Variants in EYS observed in about 807,000 individuals in gnomAD.
EYS encodes the protein EGF-like photoreceptor maintenance factor.
In EYS, 250 loss-of-function variants were observed where a neutral mutation model predicts 282.1. The ratio of observed to expected loss-of-function variants is 0.89; its 90% CI spans 0.80 to 0.98. The LOEUF is 0.98. Among genes scored for constraint, EYS ranks in the 50% least tolerant of loss-of-function variants. EYS has a pLI of 0.00. For missense variants in EYS, 4,016 were observed against 3,709.0 expected, an observed-to-expected ratio of 1.08 and a Z score of -2.15; for synonymous variants, 1,355 against 1,282.9, an observed-to-expected ratio of 1.06 and a Z score of -1.20.
At chr6:65,081,044 C>T (rs919012064) in intron 12 of EYS, among the ~76,000 whole-genome samples, 1 of 152,122 alleles carries the variant, frequency 6.6e-6, no homozygotes, top group African/African-American at 2.4e-5. Flanking sequence ...GCAGGCCTCA[C>T]AGCTGTAATC....
intron 12 of EYS, among the ~76,000 whole-genome samples, chr6:65,222,240 T>A (rs1222087831): frequency 6.6e-6 from 1 of 152,144 alleles, no homozygotes; most frequent in Non-Finnish European, 1.5e-5. Flanking sequence ...CAGACTGATA[T>A]GGTTTGGCTA....
At chr6:64,317,448 A>T (rs963933408) in intron 29 of EYS, among the ~76,000 whole-genome samples, 4 of 152,014 alleles carry the variant, frequency 2.6e-5, no homozygotes, top group Non-Finnish European at 5.9e-5. Context: ...TTCACTGGTC[A>T]TTAGAGAAAT....
intron 12 of EYS, among the ~76,000 whole-genome samples, chr6:65,242,219 C>T (rs917333427): frequency 1.3e-5 from 2 of 151,892 alleles, no homozygotes; most frequent in Non-Finnish European, 2.9e-5. Flanking sequence ...ATTTGTGCAA[C>T]CATCATCACA....
At chr6:65,314,561 GGTGTGTGTGTGTGTGTGTGT>G (rs4032795) in intron 11 of EYS, among the ~76,000 whole-genome samples, 12 of 106,338 alleles carry the variant, frequency 1.1e-4, no homozygotes, top group African/African-American at 3.1e-4. Flanking sequence ...TTCCCCTTAT[GGTGTGTGTGTGTGTGTGTGT>G]GTGTGTGTGT....
At chr6:64,848,234 C>G (rs1765775714) in intron 19 of EYS, among the ~76,000 whole-genome samples, 1 of 151,950 alleles carries the variant, frequency 6.6e-6, no homozygotes, top group African/African-American at 2.4e-5. Flanking sequence ...AACTTTTCCT[C>G]TTTCCTTCAC....
At chr6:65,057,976 C>T (rs1256932184) in intron 12 of EYS, among the ~76,000 whole-genome samples, 6 of 152,036 alleles carry the variant, frequency 3.9e-5, no homozygotes, top group Admixed American at 3.3e-4. Context: ...TGCAAAGTCT[C>T]TTTAGATGTG....
chr6:65,568,668 GCTGCTTTTGTTTCGA>G, intron 2 of EYS, among the ~76,000 whole-genome samples: 1 of 152,228 alleles, frequency 6.6e-6, no homozygotes, highest in East Asian at 1.9e-4. Flanking sequence ...TGTCCTCCAA[GCTGCTTTTGTTTCGA>G]AAGTGGCTCA....
At chr6:64,678,666 T>C (rs1247772524) in intron 22 of EYS, among the ~76,000 whole-genome samples, 2 of 152,166 alleles carry the variant, frequency 1.3e-5, no homozygotes, top group Non-Finnish European at 2.9e-5. Context: ...ATTTGTTTAG[T>C]TTGTTTCCAA....
chr6:64,199,872 G>A (rs982084090), intron 31 of EYS, among the ~76,000 whole-genome samples: 1 of 152,124 alleles, frequency 6.6e-6, no homozygotes, highest in East Asian at 1.9e-4. Flanking sequence ...ACACAAAATT[G>A]CACCTGAATG....
intron 14 of EYS, among the ~76,000 whole-genome samples, chr6:64,977,136 GC>G (rs1770497594): frequency 5.9e-5 from 9 of 151,728 alleles, no homozygotes. Flanking sequence ...CAAATGATCT[GC>G]CCACCTCAGC....
intron 22 of EYS, among the ~76,000 whole-genome samples, chr6:64,700,687 A>G (rs895808502): frequency 3.3e-4 from 50 of 152,138 alleles, no homozygotes; most frequent in African/African-American, 1.2e-3. Context: ...TATCTCTATA[A>G]GGAAAATTAC....
chr6:63,735,351 C>T (rs1346349234), intron 41 of EYS, among the ~76,000 whole-genome samples: 1 of 152,012 alleles, frequency 6.6e-6, no homozygotes, highest in Admixed American at 6.6e-5. Flanking sequence ...CAATTTTGAA[C>T]TTATAGATAA....
chr6:65,328,626 T>C (rs1188558917), intron 11 of EYS, among the ~76,000 whole-genome samples: 1 of 151,022 alleles, frequency 6.6e-6, no homozygotes, highest in Non-Finnish European at 1.5e-5. Flanking sequence ...ATTAAATATA[T>C]AAATTTTAAA....
chr6:64,916,724 CT>C (rs1420701215), intron 15 of EYS, among the ~76,000 whole-genome samples: 2 of 152,218 alleles, frequency 1.3e-5, no homozygotes, highest in African/African-American at 4.8e-5. Context: ...TACCGTGTGA[CT>C]TTTTGAGTGT....
intron 1 of EYS, among the ~76,000 whole-genome samples, chr6:65,661,766 G>A (rs1768008960): frequency 6.6e-6 from 1 of 152,002 alleles, no homozygotes; most frequent in African/African-American, 2.4e-5. Context: ...GTATGAAGAT[G>A]GTAAAAATCT....
chr6:65,442,040 G>C (rs17690066), intron 5 of EYS, among the ~76,000 whole-genome samples: 28,161 of 151,690 alleles, frequency 0.19, 3,259 homozygotes, highest in Middle Eastern at 0.3. Flanking sequence ...CTGAAAGCCT[G>C]GTTTATTTAC....
chr6:64,395,503 A>G (rs1773331436), intron 28 of EYS, among the ~76,000 whole-genome samples: 1 of 152,134 alleles, frequency 6.6e-6, no homozygotes, highest in South Asian at 2.1e-4. Flanking sequence ...GAAATTGGAA[A>G]TCATCATTCT....
intron 35 of EYS, among the ~76,000 whole-genome samples, chr6:63,975,527 G>T (rs1766793723): frequency 6.6e-6 from 1 of 151,994 alleles, no homozygotes; most frequent in South Asian, 2.1e-4. Flanking sequence ...CCTAAAACAG[G>T]CCTGTTTCTC....
chr6:64,030,099 CAAAGAG>C (rs1055799068), intron 33 of EYS, among the ~76,000 whole-genome samples: 2 of 151,034 alleles, frequency 1.3e-5, no homozygotes, highest in Admixed American at 6.6e-5. Context: ...GAGGGAAAGA[CAAAGAG>C]AAAGAGACAG....
Sources: gnomAD v4.1 joint callset for allele counts (sites outside exome capture counted in the v4.1 genomes callset) on GRCh38, gnomAD v4.1.1 for gene constraint, MANE v1.5 for transcripts, NCBI Gene and HGNC (gene_info 2026-07-23, HGNC 2026-07-21) for gene names.